The following STOX2 variants were observed in gnomAD, a reference collection of about 807,000 sequenced individuals.
The protein encoded by STOX2 is storkhead box 2, also known as storkhead-box protein 2.
In STOX2, 28 loss-of-function variants were observed where a neutral mutation model predicts 60.9. The ratio of observed to expected loss-of-function variants is 0.46; its 90% CI spans 0.34 to 0.63. The LOEUF is 0.63. Ranked by LOEUF, STOX2 falls within the 30% of genes least tolerant of loss-of-function variation. The probability of loss-of-function intolerance (pLI) is 0.01; values close to 1 mark genes in which losing one functional copy is unlikely to be tolerated. For missense variants in STOX2, 1,024 were observed against 1,187.7 expected, an observed-to-expected ratio of 0.86 and a Z score of 2.03; for synonymous variants, 472 against 463.9, an observed-to-expected ratio of 1.02 and a Z score of -0.22.
chr4:183,939,214 G>A (rs1190560833), intron 1 of STOX2, among the ~76,000 whole-genome samples: 1 of 152,184 alleles, frequency 6.6e-6, no homozygotes, highest in African/African-American at 2.4e-5. Context: ...AACCCCTGAA[G>A]TGTATTCTCT....
Position 184,009,194 on chromosome 4 carries a change from C to G in STOX2, c.356C>G (p.Thr119Arg). Residue 119 changes from threonine to arginine, a missense_variant, in exon 3 of 4, where the codon ACG (threonine) becomes AGG (arginine). Thr to Arg is a moderately conservative substitution (Grantham distance 71, BLOSUM62 -1). Coordinates refer to ENST00000308497, the MANE Select transcript of STOX2 (RefSeq NM_020225.3). This position sits in a 1 kb window ranked among gnomAD's most constrained non-coding sequence, Gnocchi z 4.0. ...PTPSQEILRH[T>R]LNTLVRERKI... ...CCAAGCCAAGAAATTCTGCGGCACA[C>G]GCTGAACACGCTGGTACGGGAGAGG... 1.4e-6 allele frequency: 2 copies of G among 1,458,782 alleles called. No individual in the cohort carries two copies. The allele number at this position is 1,458,782 out of a possible 1,614,324, so 90.4% of individuals were successfully genotyped here.
At chr4:184,016,258 G>A (rs1235998905) in intron 3 of STOX2, 2 of 152,242 alleles carry the variant, frequency 1.3e-5, no homozygotes, top group Admixed American at 1.3e-4. Flanking sequence ...CTACTCGGGA[G>A]ACTGAGGTAG....
At chr4:183,994,209 C>A (rs1376214294) in intron 1 of STOX2, among the ~76,000 whole-genome samples, 1 of 152,162 alleles carries the variant, frequency 6.6e-6, no homozygotes, top group African/African-American at 2.4e-5. Context: ...GTGTTGTCCC[C>A]ATGCCCATAG....
chr4:183,847,009 C>T (rs1438064642), intron 1 of STOX2, among the ~76,000 whole-genome samples: 1 of 152,128 alleles, frequency 6.6e-6, no homozygotes, highest in East Asian at 1.9e-4. Flanking sequence ...TCCATGGAAG[C>T]TTATGTTTGG....
chr4:183,807,200 C>T (rs2111096732), intron 1 of STOX2, among the ~76,000 whole-genome samples: 1 of 152,318 alleles, frequency 6.6e-6, no homozygotes, highest in East Asian at 1.9e-4. Flanking sequence ...TCTCGATCTC[C>T]TGACCTCGTG....
chr4:183,798,156 A>C (rs2111087226), intron 1 of STOX2: 1 of 1,137,568 alleles, frequency 8.8e-7, no homozygotes, highest in Non-Finnish European at 1.1e-6. Flanking sequence ...CGCCGCGGGC[A>C]CCGCCGAGGC....
At chr4:184,002,691 T>C (rs113911076) in intron 2 of STOX2, among the ~76,000 whole-genome samples, 6 of 152,170 alleles carry the variant, frequency 3.9e-5, no homozygotes, top group Non-Finnish European at 4.4e-5. Context: ...CCATTAACAC[T>C]GCAGTGACCA....
intron 1 of STOX2, among the ~76,000 whole-genome samples, chr4:183,866,564 T>A (rs939371370): frequency 6.6e-6 from 1 of 152,140 alleles, no homozygotes; most frequent in Non-Finnish European, 1.5e-5. Context: ...ATTCTCCCAG[T>A]TAGATGAGAA....
intron 1 of STOX2, among the ~76,000 whole-genome samples, chr4:183,959,323 C>G (rs1743346608): frequency 6.6e-6 from 1 of 152,062 alleles, no homozygotes; most frequent in Non-Finnish European, 1.5e-5. Flanking sequence ...AGGTCTAACT[C>G]AGGGCGGAAG....
At chr4:183,951,066 A>G (rs565186522) in intron 1 of STOX2, among the ~76,000 whole-genome samples, 6 of 151,766 alleles carry the variant, frequency 4.0e-5, no homozygotes, top group African/African-American at 7.3e-5. Flanking sequence ...ATACAAAAAA[A>G]TTAGCCGGGC....
intron 1 of STOX2, among the ~76,000 whole-genome samples, chr4:183,943,236 G>A (rs1171799415): frequency 6.6e-6 from 1 of 152,210 alleles, no homozygotes; most frequent in Non-Finnish European, 1.5e-5. Flanking sequence ...TCTTCTGGTA[G>A]CTAGTTGCCC....
intron 1 of STOX2, among the ~76,000 whole-genome samples, chr4:183,878,069 T>C (rs1227101215): frequency 6.6e-6 from 1 of 152,196 alleles, no homozygotes; most frequent in Non-Finnish European, 1.5e-5. Context: ...TTGAAGTTTT[T>C]AGACCTGGAA....
upstream of STOX2, among the ~76,000 whole-genome samples, chr4:183,905,196 G>T (rs1237943445): frequency 6.6e-6 from 1 of 152,228 alleles, no homozygotes; most frequent in East Asian, 1.9e-4. Flanking sequence ...GTGACCTCCG[G>T]GTCCCAGGCC....
At chr4:183,922,310 G>T in intron 1 of STOX2, among the ~76,000 whole-genome samples, 1 of 149,386 alleles carries the variant, frequency 6.7e-6, no homozygotes, top group African/African-American at 2.5e-5. Flanking sequence ...TTCAAATTGT[G>T]GTAAAAAAAA....
At chr4:183,990,887 C>T (rs1223621239) in intron 1 of STOX2, among the ~76,000 whole-genome samples, 10 of 151,944 alleles carry the variant, frequency 6.6e-5, no homozygotes, top group East Asian at 1.9e-4. Flanking sequence ...ATGCCGAATT[C>T]GGGAAGTTTA....
chr4:183,981,324 G>A (rs1374142205), intron 1 of STOX2, among the ~76,000 whole-genome samples: 2 of 152,012 alleles, frequency 1.3e-5, no homozygotes, highest in African/African-American at 4.8e-5. Flanking sequence ...GAATTTCAGG[G>A]CGTCTTCACA....
intron 1 of STOX2, among the ~76,000 whole-genome samples, chr4:183,991,041 C>T (rs1385209720): frequency 6.6e-6 from 1 of 152,108 alleles, no homozygotes; most frequent in Non-Finnish European, 1.5e-5. Flanking sequence ...TATTTAAGTC[C>T]TGAGTTTCCT....
chr4:183,831,355 A>C (rs1739563609), intron 1 of STOX2, among the ~76,000 whole-genome samples: 1 of 152,194 alleles, frequency 6.6e-6, no homozygotes. Context: ...TGAACTTGGA[A>C]TCTTACGTTA....
upstream of STOX2, among the ~76,000 whole-genome samples, chr4:183,902,800 C>T (rs1281883558): frequency 6.6e-6 from 1 of 152,202 alleles, no homozygotes; most frequent in African/African-American, 2.4e-5. Context: ...ACTACACCAC[C>T]CATACCTACT....
Sources: gnomAD v4.1 joint callset for allele counts (sites outside exome capture counted in the v4.1 genomes callset) on GRCh38, gnomAD v4.1.1 for gene constraint, Gnocchi (gnomAD v3.1) non-coding constraint, MANE v1.5 for transcripts, NCBI Gene and HGNC (gene_info 2026-07-23, HGNC 2026-07-21) for gene names.